Variants in CIZ1 observed in about 807,000 individuals in gnomAD.
CIZ1 encodes CDKN1A interacting zinc finger protein 1, also known as cip1-interacting zinc finger protein.
In CIZ1, 58 loss-of-function variants were observed where a neutral mutation model predicts 118.6. The ratio of observed to expected loss-of-function variants is 0.49; its 90% confidence interval spans 0.40 to 0.61. The LOEUF is 0.61. Ranked by LOEUF, CIZ1 falls within the 20% of genes least tolerant of loss-of-function variation. The pLI is 0.00. For synonymous variants in CIZ1, 448 were observed against 443.4 expected (o/e 1.01, Z -0.13); for missense variants, 921 against 1,115.9 (o/e 0.83, Z 2.49).
chr9:128,169,426 G>A lies in CIZ1; in HGVS notation c.2125C>T (p.His709Tyr), dbSNP rs758392645. ...KFVEHVKSQG[H>Y]KDKAKELKSL... ...GTTACCTCCTTGGCTTTGTCCTTAT[G>A]CCCCTGGGACTTCACGTGCTCCACA... The change falls in exon 13 of 17, where the codon CAT becomes TAT. Residue 709 changes from histidine (H) to tyrosine (Y), a missense_variant. Physicochemically the swap from His to Tyr is moderately conservative, Grantham distance 83 (BLOSUM62 2). Transcript: ENST00000372938. The A allele has an allele frequency of 3.1e-6, 5 of 1,614,090 alleles. No individual in the cohort carries two copies. Among genetic ancestry groups the A allele is most frequent in the Non-Finnish European group, 2.5e-6 (3 of 1,179,960 alleles).
chr9:128,174,667 TG>T (rs1380820404), intron 11 of CIZ1, among the ~76,000 whole-genome samples: 2 of 152,052 alleles, frequency 1.3e-5, no homozygotes, highest in African/African-American at 4.8e-5. Context: ...TTTAAATTTT[TG>T]TTGTTGTTTT....
At position 128,169,400 on chromosome 9, in the gene CIZ1, G is replaced by T; in HGVS notation, c.2145+6C>A. 1 of 1,611,650 alleles carries T rather than the reference G, an allele frequency of 6.2e-7. No homozygotes were observed. The highest frequency in any genetic ancestry group is 8.5e-7 in the Non-Finnish European group (1 of 1,177,724). ...GGCCCATGTCCTCTGAGGGAGCTCA[G>T]GTTACCTCCTTGGCTTTGTCCTTAT... On this transcript the variant is annotated splice_donor_region_variant and intron_variant, in intron 13 of 16. Transcript: ENST00000372938.
chr9:128,182,217 G>T (rs1718172280), intron 5 of CIZ1, among the ~76,000 whole-genome samples: 1 of 152,012 alleles, frequency 6.6e-6, no homozygotes, highest in South Asian at 2.1e-4. Context: ...GCCACTACCA[G>T]TCTCTGCGCA....
rs1564244741 is a variant in CIZ1 at position 128,169,501 on chromosome 9, G to T, written c.2050C>A (p.Arg684=). The part of the protein sequence containing the change: ...QDHKIAKQSL[R]PFCTVCNRYF... Reference sequence around the variant, plus strand: ...CGGTTGCAAACGGTGCAGAAGGGTCGCAAGGATTGTTTGGCAATCTGGAAA... The same window carrying T: ...CGGTTGCAAACGGTGCAGAAGGGTCTCAAGGATTGTTTGGCAATCTGGAAA... The change falls in exon 13 of 17, where the codon CGA becomes AGA. Residue 684 remains arginine (R), a synonymous_variant. Transcript: ENST00000372938. 1.2e-6 allele frequency: 2 copies of T among 1,614,148 alleles called. No individual in the cohort carries two copies. The highest frequency in any genetic ancestry group is 1.7e-6 in the Non-Finnish European group (2 of 1,179,990).
At chr9:128,174,338 G>C (rs10987909) in intron 11 of CIZ1, among the ~76,000 whole-genome samples, 44,166 of 152,100 alleles carry the variant, frequency 0.29, 6,905 homozygotes, top group Middle Eastern at 0.39. Flanking sequence ...TTCTGCTACC[G>C]CAGACACAGG....
chr9:128,181,116 G>A (rs1831546701), intron 5 of CIZ1, among the ~76,000 whole-genome samples: 1 of 152,070 alleles, frequency 6.6e-6, no homozygotes, highest in Non-Finnish European at 1.5e-5. Flanking sequence ...GTAGCCAGTG[G>A]GGTCCTTTTT....
chr9:128,173,230 C>T (rs923288373), intron 11 of CIZ1, among the ~76,000 whole-genome samples: 1 of 151,148 alleles, frequency 6.6e-6, no homozygotes, highest in Non-Finnish European at 1.5e-5. Flanking sequence ...CTGCAAGCTC[C>T]GCCTCCTGGG....
Position 128,177,774 on chromosome 9 carries a change from A to C in CIZ1, c.1621-11T>G. The C allele has an allele frequency of 6.4e-7, 1 of 1,563,030 alleles. No homozygotes were observed. On this transcript the variant is annotated splice_polypyrimidine_tract_variant and intron_variant, in intron 9 of 16. Coordinates refer to ENST00000372938, the MANE Select transcript of CIZ1 (RefSeq NM_001131016.2). ...CCCGGCGCCCCATACCTGCATGGGG[A>C]GTAGGAACTGAACTTCCATCAACTG...
chr9:128,185,478 G>C, intron 5 of CIZ1, 69 bp downstream of exon 5: 3 of 1,035,196 alleles, frequency 2.9e-6, no homozygotes, highest in Non-Finnish European at 4.2e-6. Flanking sequence ...GACTGAGCCA[G>C]AGCAGGTGGC....
chr9:128,182,686 C>G (rs1831829230), intron 5 of CIZ1, among the ~76,000 whole-genome samples: 1 of 152,202 alleles, frequency 6.6e-6, no homozygotes, highest in Non-Finnish European at 1.5e-5. Flanking sequence ...CGTCCCTGCC[C>G]CTAGGCCTTC....
Position 128,203,483 on chromosome 9 carries a change from G to A in CIZ1, c.-6+703C>T, listed in dbSNP as rs759483040. 4.6e-6 allele frequency: 7 copies of A among 1,517,968 alleles called. No homozygotes were observed. The highest frequency in any genetic ancestry group is 1.2e-5 in the South Asian group (1 of 81,192). The allele number at this position is 1,517,968 out of a possible 1,614,324, so 94.0% of individuals were successfully genotyped here. A position where few individuals can be genotyped will look rare whatever the true frequency, so the allele number is the denominator to read the frequency against. On this transcript the variant is annotated intron_variant, in intron 1 of 17. Transcript: ENST00000372948. The surrounding 1 kb of genome is among the most constrained non-coding windows in gnomAD (Gnocchi z 5.3). ...GCCCGCCGCAGCCATGGGCAACCGC[G>A]GCATGGAAGATCTCATCCCGCTGGT...
At chr9:128,185,210 G>A (rs766631850) in intron 5 of CIZ1, among the ~76,000 whole-genome samples, 5 of 152,092 alleles carry the variant, frequency 3.3e-5, no homozygotes, top group Admixed American at 1.3e-4. Flanking sequence ...CCTGGGAGAC[G>A]GAGGTTGCAG....
intron 4 of CIZ1, among the ~76,000 whole-genome samples, chr9:128,187,159 C>T (rs1000749293): frequency 3.9e-5 from 6 of 152,152 alleles, no homozygotes; most frequent in Non-Finnish European, 7.3e-5. Context: ...AGGCTGGTCT[C>T]AAACTCCTGA....
At chr9:128,198,676 C>G (rs964622545) in intron 1 of CIZ1, among the ~76,000 whole-genome samples, 2 of 151,890 alleles carry the variant, frequency 1.3e-5, no homozygotes, top group African/African-American at 4.8e-5. Context: ...TACTAAAATA[C>G]AAAAAATTAG....
upstream of CIZ1, chr9:128,191,575 C>T: frequency 2.7e-6 from 3 of 1,127,174 alleles, no homozygotes; most frequent in Non-Finnish European, 3.3e-6. The surrounding 1 kb of genome is among the most constrained non-coding windows in gnomAD (Gnocchi z 5.5). Context: ...CTCGTAAGGC[C>T]CAAATGCGGG....
chr9:128,172,474 C>T (rs531004349), intron 11 of CIZ1, among the ~76,000 whole-genome samples: 16 of 152,124 alleles, frequency 1.1e-4, no homozygotes, highest in South Asian at 2.1e-4. Context: ...GCCTGGGCAA[C>T]GGAGCGAGAC....
At chr9:128,181,862 G>A (rs1283908149) in intron 5 of CIZ1, among the ~76,000 whole-genome samples, 6 of 151,882 alleles carry the variant, frequency 4.0e-5, no homozygotes, top group African/African-American at 1.5e-4. Flanking sequence ...AGGCTTGCCC[G>A]CAGTTATCAG....
chr9:128,180,843 T>A (rs1025718358), intron 5 of CIZ1, 29 bp from the exon 6 acceptor site: 1 of 1,509,200 alleles, frequency 6.6e-7, no homozygotes, highest in African/African-American at 1.4e-5. Context: ...TATGTTGACA[T>A]CCAATACCCA....
chr9:128,191,750 C>T (rs930323068), upstream of CIZ1: 15 of 1,396,722 alleles, frequency 1.1e-5, 1 homozygote, highest in Non-Finnish European at 1.4e-5. This position sits in a 1 kb window ranked among gnomAD's most constrained non-coding sequence, Gnocchi z 5.5. Context: ...CCGCGTCCTC[C>T]GCATCGCGAA....
Sources: gnomAD v4.1 joint callset for allele counts (sites outside exome capture counted in the v4.1 genomes callset) on GRCh38, gnomAD v4.1.1 for gene constraint, Gnocchi (gnomAD v3.1) non-coding constraint, MANE v1.5 for transcripts, NCBI Gene and HGNC (gene_info 2026-07-23, HGNC 2026-07-21) for gene names.